FRS2: variants seen among roughly 807,000 people sequenced by gnomAD.
The protein encoded by FRS2 is FGFR signalling adaptor.
Under a neutral mutation model 43.9 loss-of-function variants are expected in FRS2, and 8 were observed. That is an observed-to-expected ratio of 0.18 (90% CI 0.11 to 0.33). The LOEUF (loss-of-function observed/expected upper bound fraction) is 0.33. Ranked by LOEUF, FRS2 falls within the 10% of genes least tolerant of loss-of-function variation. The pLI is 1.00. For synonymous variants in FRS2, 219 were observed against 220.3 expected (o/e 0.99, Z 0.05); for missense variants, 534 against 627.6 (o/e 0.85, Z 1.59).
chr12:69,551,835 G>C (rs1468655818), intron 3 of FRS2, among the ~76,000 whole-genome samples: 1 of 152,118 alleles, frequency 6.6e-6, no homozygotes, highest in African/African-American at 2.4e-5. Context: ...TTTCATTTCT[G>C]TTATTTGTAA....
intron 1 of FRS2, among the ~76,000 whole-genome samples, chr12:69,523,090 G>A (rs145854888): frequency 1.9e-3 from 295 of 152,210 alleles, no homozygotes; most frequent in Non-Finnish European, 3.2e-3. Context: ...GATTTATATC[G>A]GGTTCATTTG....
At chr12:69,511,663 A>G (rs1238862139) in intron 1 of FRS2, among the ~76,000 whole-genome samples, 5 of 152,264 alleles carry the variant, frequency 3.3e-5, no homozygotes, top group African/African-American at 1.2e-4. Context: ...ATCCATTACA[A>G]AGGAATGGTA....
At chr12:69,568,851 A>G (rs1880512097) in intron 4 of FRS2, among the ~76,000 whole-genome samples, 154 bp from the exon 5 acceptor site, 1 of 152,202 alleles carries the variant, frequency 6.6e-6, no homozygotes, top group South Asian at 2.1e-4. Context: ...TCAACTAGCT[A>G]GTTGTATAAA....
At chr12:69,536,279 C>T (rs1001409368) in intron 3 of FRS2, among the ~76,000 whole-genome samples, 4 of 151,680 alleles carry the variant, frequency 2.6e-5, no homozygotes, top group African/African-American at 9.7e-5. Context: ...TGTGCACCAC[C>T]ATGCCTGGCT....
chr12:69,476,765 T>TG (rs1870823120), intron 1 of FRS2, among the ~76,000 whole-genome samples: 11 of 31,730 alleles, frequency 3.5e-4, no homozygotes, highest in African/African-American at 3.7e-4. Flanking sequence ...GGGGGGGGTG[T>TG]GGGGGTGGGG....
chr12:69,549,666 G>A (rs188259645), intron 3 of FRS2, among the ~76,000 whole-genome samples: 52 of 152,308 alleles, frequency 3.4e-4, no homozygotes, highest in African/African-American at 1.3e-3. Context: ...TCCTATTTCA[G>A]GAGCAAATCA....
At chr12:69,542,866 C>T (rs998867659) in intron 3 of FRS2, among the ~76,000 whole-genome samples, 5 of 152,208 alleles carry the variant, frequency 3.3e-5, no homozygotes, top group African/African-American at 9.6e-5. Flanking sequence ...CACCCAGGCT[C>T]ATCCCAGGAC....
intron 1 of FRS2, among the ~76,000 whole-genome samples, chr12:69,502,936 T>C (rs542470432): frequency 6.6e-6 from 1 of 152,348 alleles, no homozygotes; most frequent in African/African-American, 2.4e-5. Flanking sequence ...GAGTCCCTTA[T>C]TAATTTTGCT....
chr12:69,487,207 A>T lies in FRS2; in HGVS notation c.-261+16677A>T, dbSNP rs192283380. Among the ~76,000 whole-genome samples the T allele has an allele frequency of 1.1e-3, 170 of 152,310 alleles. 1 individual carries two copies. The highest frequency in any genetic ancestry group is 2.1e-3 in the Non-Finnish European group (143 of 68,026). ...TGAAGGTGGCTACCCTGAACAACAA[A>T]TTTTATTGTAGTTGAAACAGCTTTC... is the stretch of plus-strand genomic sequence containing the variant. On this transcript the variant is annotated intron_variant, in intron 1 of 8. Transcript: ENST00000549921.
intron 3 of FRS2, among the ~76,000 whole-genome samples, chr12:69,535,984 G>A (rs1448261890): frequency 8.6e-5 from 13 of 150,664 alleles, no homozygotes; most frequent in Non-Finnish European, 1.9e-4. Context: ...TTATGAAAGG[G>A]CCCTCTATCT....
chr12:69,562,441 G>A (rs963210835), intron 4 of FRS2, among the ~76,000 whole-genome samples, 167 bp downstream of exon 4: 15 of 152,110 alleles, frequency 9.9e-5, no homozygotes, highest in Admixed American at 7.9e-4. Flanking sequence ...AGGATTACAG[G>A]CGTGAGCCAC....
chr12:69,574,645 A>G lies in FRS2; in HGVS notation c.1217A>G (p.Lys406Arg). Residue 406 changes from lysine (K) to arginine (R), a missense_variant, in exon 9 of 9, where the codon AAA becomes AGA. By Grantham distance (26) the Lys-to-Arg change is conservative. Transcript: ENST00000549921. ...ENVTVPASAH[K>R]IEYSRRRDCT... The stretch of plus-strand genomic sequence containing the variant: ...GTAACAGTGCCAGCAAGTGCTCACA[A>G]AATAGAATATTCAAGGCGTCGGGAC... The G allele has an allele frequency of 6.2e-7, 1 of 1,614,192 alleles. No individual in the cohort carries two copies. Among genetic ancestry groups the G allele is most frequent in the Non-Finnish European group, 8.5e-7 (1 of 1,180,028 alleles).
At chr12:69,483,794 A>G (rs1871566855) in intron 1 of FRS2, among the ~76,000 whole-genome samples, 1 of 152,202 alleles carries the variant, frequency 6.6e-6, no homozygotes, top group Admixed American at 6.5e-5. Context: ...GTAGGTTCCC[A>G]GGTATGATTT....
intron 1 of FRS2, among the ~76,000 whole-genome samples, chr12:69,521,159 G>A (rs1875603635): frequency 6.6e-6 from 1 of 151,998 alleles, no homozygotes; most frequent in African/African-American, 2.4e-5. Context: ...TTTTGTGTGT[G>A]TGGCAATTGT....
At chr12:69,523,642 T>A (rs1024406950) in intron 1 of FRS2, among the ~76,000 whole-genome samples, 13 of 152,094 alleles carry the variant, frequency 8.5e-5, no homozygotes, top group Non-Finnish European at 1.6e-4. Flanking sequence ...TATGCTGACT[T>A]TTTTGTGTGG....
chr12:69,499,549 G>A (rs1446045754), intron 1 of FRS2, among the ~76,000 whole-genome samples: 1 of 152,006 alleles, frequency 6.6e-6, no homozygotes, highest in African/African-American at 2.4e-5. Flanking sequence ...CTCCAATTTT[G>A]GAGAAAGCAT....
chr12:69,487,397 A>T (rs35135155), intron 1 of FRS2, among the ~76,000 whole-genome samples: 7,460 of 152,316 alleles, frequency 0.049, 277 homozygotes, highest in Middle Eastern at 0.095. Flanking sequence ...ATGATGGTAA[A>T]TCTACTCTGT....
chr12:69,546,675 G>A (rs562598238), intron 3 of FRS2, among the ~76,000 whole-genome samples: 1 of 152,260 alleles, frequency 6.6e-6, no homozygotes, highest in East Asian at 1.9e-4. Context: ...ACAGGTGTGA[G>A]CCACTGCACC....
intron 1 of FRS2, among the ~76,000 whole-genome samples, chr12:69,480,980 T>A (rs1238429571): frequency 1.3e-5 from 2 of 152,188 alleles, no homozygotes; most frequent in African/African-American, 4.8e-5. Context: ...TTTTATTCCT[T>A]AGAGCTTATA....
Sources: allele counts gnomAD v4.1 joint callset (sites outside exome capture counted in the v4.1 genomes callset), GRCh38; gene constraint gnomAD v4.1.1; transcripts MANE v1.5; gene names NCBI Gene and HGNC (gene_info 2026-07-23, HGNC 2026-07-21).